Variants in SNTG2 observed in about 807,000 individuals in gnomAD.
SNTG2 encodes syntrophin gamma 2, also known as gamma-2-syntrophin.
Under a neutral mutation model 70.9 loss-of-function variants are expected in SNTG2, and 74 were observed. That is an observed-to-expected ratio of 1.04 (90% CI 0.86 to 1.27). The LOEUF is 1.27. SNTG2 is among the 50% of genes most tolerant of loss of function. The pLI is 0.00. For missense variants in SNTG2, 717 were observed against 690.7 expected (o/e 1.04, Z -0.43); for synonymous variants, 278 against 273.8 (o/e 1.02, Z -0.15).
At chr2:1,194,901 C>T (rs6715732) in intron 8 of SNTG2, among the ~76,000 whole-genome samples, 33,050 of 151,914 alleles carry the variant, frequency 0.22, 4,499 homozygotes, top group African/African-American at 0.4. Context: ...CAACAGGCCC[C>T]AGTGTATGAT....
intron 12 of SNTG2, among the ~76,000 whole-genome samples, chr2:1,257,025 G>T (rs1678159312): frequency 6.6e-6 from 1 of 151,700 alleles, no homozygotes; most frequent in Non-Finnish European, 1.5e-5. Flanking sequence ...GAAAACAGTG[G>T]AAGGTGAAGA....
intron 1 of SNTG2, among the ~76,000 whole-genome samples, chr2:1,050,251 T>C (rs1159794867): frequency 4.6e-5 from 7 of 152,222 alleles, no homozygotes; most frequent in Admixed American, 6.5e-5. Flanking sequence ...TTTCCCCTTC[T>C]TTTCAATAAA....
At chr2:1,148,331 G>A (rs766678842) in intron 6 of SNTG2, among the ~76,000 whole-genome samples, 9 of 152,350 alleles carry the variant, frequency 5.9e-5, no homozygotes, top group Non-Finnish European at 1.0e-4. Flanking sequence ...GAGAAGAGAG[G>A]GCCTGGCAGC....
intron 1 of SNTG2, among the ~76,000 whole-genome samples, chr2:1,004,997 T>C (rs1225496201): frequency 1.3e-5 from 2 of 152,192 alleles, no homozygotes; most frequent in African/African-American, 4.8e-5. Context: ...TGTAATGTTA[T>C]TCAACAGTAA....
intron 16 of SNTG2, among the ~76,000 whole-genome samples, chr2:1,351,165 A>G (rs1175129792): frequency 1.3e-5 from 2 of 151,794 alleles, no homozygotes; most frequent in East Asian, 3.9e-4. Context: ...CTCTTAGTGT[A>G]TGTCTACCTG....
intron 12 of SNTG2, among the ~76,000 whole-genome samples, chr2:1,252,175 C>G (rs1346227409): frequency 6.6e-6 from 1 of 152,182 alleles, no homozygotes; most frequent in Non-Finnish European, 1.5e-5. Flanking sequence ...CCACTCATTT[C>G]TTCTGGATCT....
chr2:981,968 A>C (rs1001857552), intron 1 of SNTG2, among the ~76,000 whole-genome samples: 14 of 152,214 alleles, frequency 9.2e-5, no homozygotes, highest in African/African-American at 2.7e-4. Flanking sequence ...AGATGTACAC[A>C]GATGCACACT....
intron 1 of SNTG2, among the ~76,000 whole-genome samples, chr2:1,053,653 G>A (rs980852834): frequency 6.6e-6 from 1 of 152,016 alleles, no homozygotes; most frequent in Non-Finnish European, 1.5e-5. Flanking sequence ...CATCTCTGTC[G>A]TCCTCTCCAC....
intron 8 of SNTG2, among the ~76,000 whole-genome samples, chr2:1,204,230 A>G (rs1673483772): frequency 6.6e-6 from 1 of 152,184 alleles, no homozygotes; most frequent in Admixed American, 6.5e-5. Context: ...TTTGGGCTGC[A>G]TGGGCTATAT....
At chr2:1,142,202 A>T (rs1329871762) in intron 6 of SNTG2, among the ~76,000 whole-genome samples, 1 of 152,178 alleles carries the variant, frequency 6.6e-6, no homozygotes, top group Non-Finnish European at 1.5e-5. Flanking sequence ...AATCAATTGC[A>T]ACTGCAATGT....
intron 6 of SNTG2, among the ~76,000 whole-genome samples, chr2:1,156,825 G>A (rs1669930292): frequency 6.6e-6 from 1 of 152,066 alleles, no homozygotes; most frequent in Non-Finnish European, 1.5e-5. Flanking sequence ...CGGTGAAAGA[G>A]GACCCAAGAT....
chr2:960,836 G>T (rs1268872623), intron 1 of SNTG2, among the ~76,000 whole-genome samples: 3 of 151,822 alleles, frequency 2.0e-5, no homozygotes, highest in African/African-American at 7.3e-5. Context: ...GAGCTCTGAG[G>T]GTTCCCGGGC....
At chr2:1,321,426 C>T (rs570843477) in intron 16 of SNTG2, among the ~76,000 whole-genome samples, 3 of 152,182 alleles carry the variant, frequency 2.0e-5, no homozygotes, top group South Asian at 4.2e-4. Flanking sequence ...GTGTGCCAGC[C>T]GCAGATGGAG....
chr2:970,633 G>A (rs1443032170), intron 1 of SNTG2, among the ~76,000 whole-genome samples: 1 of 144,756 alleles, frequency 6.9e-6, no homozygotes, highest in Non-Finnish European at 1.5e-5. Context: ...ATTCCATGGT[G>A]TATATGTGCC....
intron 6 of SNTG2, among the ~76,000 whole-genome samples, chr2:1,165,332 C>G (rs1213981824): frequency 6.6e-6 from 1 of 151,696 alleles, no homozygotes; most frequent in Non-Finnish European, 1.5e-5. Context: ...CACTCATGCA[C>G]TTGTTTACGC....
chr2:1,229,214 G>T (rs1457011165), intron 9 of SNTG2, among the ~76,000 whole-genome samples: 2 of 152,182 alleles, frequency 1.3e-5, no homozygotes, highest in Non-Finnish European at 2.9e-5. Flanking sequence ...ACATCCTGCT[G>T]ATTGGTAGAG....
chr2:1,284,659 T>A (rs1178823175), intron 14 of SNTG2, among the ~76,000 whole-genome samples: 1 of 152,334 alleles, frequency 6.6e-6, no homozygotes, highest in South Asian at 2.1e-4. Flanking sequence ...ATTGGCCTTA[T>A]CTTTTAAAAT....
chr2:1,135,154 C>T (rs1668296139), intron 4 of SNTG2, among the ~76,000 whole-genome samples: 1 of 152,152 alleles, frequency 6.6e-6, no homozygotes. Flanking sequence ...GACCTCACTG[C>T]GTTAGTTCCA....
At chr2:1,207,610 C>T (rs1673721797) in intron 8 of SNTG2, among the ~76,000 whole-genome samples, 1 of 152,148 alleles carries the variant, frequency 6.6e-6, no homozygotes, top group Non-Finnish European at 1.5e-5. Flanking sequence ...TATATATTAG[C>T]ACAGACGAAA....
Sources: gnomAD v4.1 joint callset for allele counts (sites outside exome capture counted in the v4.1 genomes callset) on GRCh38, gnomAD v4.1.1 for gene constraint, MANE v1.5 for transcripts, NCBI Gene and HGNC (gene_info 2026-07-23, HGNC 2026-07-21) for gene names.